CRAMP1: variants seen among roughly 807,000 people sequenced by gnomAD.
CRAMP1 encodes protein cramped-like.
CRAMP1 carries 50 observed loss-of-function variants against 115.4 expected under a neutral mutation model. That is an observed-to-expected ratio of 0.43 (90% CI 0.35 to 0.55). The LOEUF is 0.55. CRAMP1 is among the 20% of genes least tolerant of loss of function. The probability of loss-of-function intolerance (pLI) is 0.01; values close to 1 mark genes in which losing one functional copy is unlikely to be tolerated. For synonymous variants in CRAMP1, 866 were observed against 745.4 expected (o/e 1.16, Z -2.64); for missense variants, 1,679 against 1,721.7 (o/e 0.98, Z 0.44).
chr16:1,668,012 T>C lies in CRAMP1; in HGVS notation c.3153T>C (p.Asn1051=), dbSNP rs1456356568. The change falls in exon 18 of 21, where the codon AAT becomes AAC. Residue 1051 remains asparagine, a synonymous_variant. Transcript: ENST00000397412. ...AGCTGCCCAAGGCCCCTCTCCAGAA[T>C]GGCCTCTCCATACCGCTGTCCTCGT... ...LSELPKAPLQ[N]GLSIPLSSSE... 4 of 1,613,630 alleles carry C rather than the reference T, an allele frequency of 2.5e-6. No homozygotes were observed. In the Admixed American group the frequency reaches 5.0e-5, roughly 20 times the overall value.
chr16:1,628,820 A>G (rs2036526502), intron 3 of CRAMP1, among the ~76,000 whole-genome samples: 2 of 152,226 alleles, frequency 1.3e-5, no homozygotes, highest in Admixed American at 1.3e-4. Context: ...CACCGCCATC[A>G]CTGGGCCTCA....
rs1003164894 is a variant in CRAMP1 at position 1,625,792 on chromosome 16, C to G, written c.347-181C>G. On this transcript the variant is annotated intron_variant, in intron 2 of 20. Transcript: ENST00000397412. Reference sequence around the variant, plus strand: ...AGGGTCATTTGGCCAGGTAAAGATCCTGGCAGTCCTAAGCAGCCTCGCTGG... The same window carrying G: ...AGGGTCATTTGGCCAGGTAAAGATCGTGGCAGTCCTAAGCAGCCTCGCTGG... 125 of 558,970 alleles carry G rather than the reference C, an allele frequency of 2.2e-4. 1 individual carries two copies. Among genetic ancestry groups the G allele is most frequent in the Non-Finnish European group, 1.4e-4 (44 of 319,744 alleles). The allele number at this position is 558,970 out of a possible 1,614,324, so 34.6% of individuals were successfully genotyped here.
rs1388497607 is a variant in CRAMP1, at chr16:1,659,817, C to T, written c.2236-69C>T. The stretch of plus-strand genomic sequence containing the variant: ...CTCGATGATTTTCTTGTGCCTCCTA[C>T]TCCAGGGCACGCAAGAGCCATTTCT... On this transcript the variant is annotated intron_variant, in intron 10 of 20. Transcript: ENST00000397412. 28 of 1,441,666 alleles carry T rather than the reference C, an allele frequency of 1.9e-5. No homozygotes were observed. The East Asian group carries it at 5.7e-4, about 29-fold the overall frequency. The allele number at this position is 1,441,666 out of a possible 1,614,324, so 89.3% of individuals were successfully genotyped here.
At chr16:1,615,617 G>A (rs895353813) in intron 2 of CRAMP1, among the ~76,000 whole-genome samples, 9 of 152,224 alleles carry the variant, frequency 5.9e-5, no homozygotes, top group African/African-American at 2.2e-4. Flanking sequence ...GTTCGCCCTT[G>A]TATTCTGAGG....
At position 1,662,750 on chromosome 16, in the gene CRAMP1, C is replaced by T. The variant is rs1367052541; in HGVS notation, c.2596-11C>T. The T allele has an allele frequency of 1.9e-6, 3 of 1,613,872 alleles. No homozygotes were observed. The highest frequency in any genetic ancestry group is 1.7e-6 in the Non-Finnish European group (2 of 1,179,882). ...GTGCACCTTCAGGTGCCGGACGCTGCTCCCTTACAGATGCAGTCGGATTTC... is the reference window on the plus strand; with the variant it reads ...GTGCACCTTCAGGTGCCGGACGCTGTTCCCTTACAGATGCAGTCGGATTTC... On this transcript the variant is annotated splice_polypyrimidine_tract_variant and intron_variant, in intron 12 of 20. Transcript: ENST00000397412.
intron 13 of CRAMP1, among the ~76,000 whole-genome samples, chr16:1,663,698 A>G (rs1388910424): frequency 6.6e-6 from 1 of 152,210 alleles, no homozygotes; most frequent in Non-Finnish European, 1.5e-5. Flanking sequence ...TACCACCCAG[A>G]AAGGAAACCC....
intron 3 of CRAMP1, among the ~76,000 whole-genome samples, chr16:1,631,440 C>A (rs2036547754): frequency 6.6e-6 from 1 of 152,246 alleles, no homozygotes; most frequent in Non-Finnish European, 1.5e-5. Context: ...TGCTGCTCTG[C>A]AGTTGGCTGT....
chr16:1,618,642 T>A (rs1281531982), intron 2 of CRAMP1, among the ~76,000 whole-genome samples: 1 of 152,086 alleles, frequency 6.6e-6, no homozygotes, highest in Non-Finnish European at 1.5e-5. Context: ...TGTGTAGGAA[T>A]CGGTAAACGA....
chr16:1,665,350 G>A (rs570828407), intron 14 of CRAMP1, among the ~76,000 whole-genome samples: 1 of 152,356 alleles, frequency 6.6e-6, no homozygotes, highest in African/African-American at 2.4e-5. Flanking sequence ...AGTCCAAAGG[G>A]TGCCCTTCGT....
chr16:1,652,388 G>T, intron 6 of CRAMP1, 108 bp from the exon 7 acceptor site: 1 of 909,996 alleles, frequency 1.1e-6, no homozygotes. Context: ...TGGGGTGGAT[G>T]CTTGGCCAGG....
chr16:1,632,282 G>A lies in CRAMP1; in HGVS notation c.611G>A (p.Ser204Asn). ...LKYKKKGKPA[S>N]MVKNKEQVRH... ...TACAAGAAGAAAGGCAAGCCAGCAA[G>A]CATGGTGAAGAACAAGGAGCAGGTC... The change falls in exon 4 of 21, where the codon AGC becomes AAC. Residue 204 changes from serine (S) to asparagine (N), a missense_variant. Physicochemically the swap from Ser to Asn is conservative, Grantham distance 46. Coordinates refer to ENST00000397412, the MANE Select transcript of CRAMP1 (RefSeq NM_020825.4). The A allele has an allele frequency of 6.3e-7, 1 of 1,598,448 alleles. No homozygotes were observed. The highest frequency in any genetic ancestry group is 8.5e-7 in the Non-Finnish European group (1 of 1,173,124).
intron 5 of CRAMP1, among the ~76,000 whole-genome samples, chr16:1,638,976 C>T (rs1050848296): frequency 1.3e-5 from 2 of 152,092 alleles, no homozygotes; most frequent in African/African-American, 4.8e-5. Flanking sequence ...AGCCCGCACT[C>T]ATGTCCGTGG....
intron 2 of CRAMP1, among the ~76,000 whole-genome samples, chr16:1,617,316 A>T (rs1452142126): frequency 6.6e-6 from 1 of 152,110 alleles, no homozygotes; most frequent in East Asian, 1.9e-4. Flanking sequence ...GAGGCACTTC[A>T]CTGTGCCCAG....
chr16:1,657,345 G>T (rs980454064), intron 10 of CRAMP1, among the ~76,000 whole-genome samples: 2 of 152,242 alleles, frequency 1.3e-5, no homozygotes, highest in African/African-American at 4.8e-5. Context: ...CAACAGGCAG[G>T]CAGTACCTTG....
intron 18 of CRAMP1, 24 bp from the exon 19 acceptor site, chr16:1,668,977 C>T: frequency 6.2e-7 from 1 of 1,612,272 alleles, no homozygotes; most frequent in Non-Finnish European, 8.5e-7. Context: ...CAAGGCGTTT[C>T]TGATCTGGGA....
intron 2 of CRAMP1, among the ~76,000 whole-genome samples, chr16:1,619,132 G>T (rs2036445183): frequency 6.6e-6 from 1 of 152,218 alleles, no homozygotes; most frequent in Non-Finnish European, 1.5e-5. Context: ...ATAAAGTGGT[G>T]TGTAGAAGCT....
chr16:1,614,559 C>A lies in CRAMP1; in HGVS notation c.-1-80C>A. On this transcript the variant is annotated intron_variant, in intron 1 of 20. Coordinates refer to ENST00000397412, the MANE Select transcript of CRAMP1 (RefSeq NM_020825.4). This position sits in a 1 kb window ranked among gnomAD's most constrained non-coding sequence, Gnocchi z 4.4. Reference sequence around the variant, plus strand: ...GGGATTTGGAACAAACAACGGCGGCCATGTTGAGAGCGCGTCGGGGCCGCT... The same window carrying A: ...GGGATTTGGAACAAACAACGGCGGCAATGTTGAGAGCGCGTCGGGGCCGCT... 1.2e-6 allele frequency: 1 copy of A among 850,518 alleles called. No individual in the cohort carries two copies. Among genetic ancestry groups the A allele is most frequent in the Non-Finnish European group, 1.5e-6 (1 of 649,314 alleles). 52.7% of individuals were successfully genotyped at this position (850,518 alleles called of 1,614,324 possible). A position where few individuals can be genotyped will look rare whatever the true frequency, so the allele number is the denominator to read the frequency against.
At chr16:1,673,697 C>T (rs2036942226) in intron 20 of CRAMP1, among the ~76,000 whole-genome samples, 184 bp from the exon 21 acceptor site, 1 of 152,228 alleles carries the variant, frequency 6.6e-6, no homozygotes, top group Non-Finnish European at 1.5e-5. Context: ...GAGCACTTAT[C>T]TAAAGAGTGT....
intron 3 of CRAMP1, among the ~76,000 whole-genome samples, chr16:1,629,521 G>A (rs985659148): frequency 2.0e-5 from 3 of 152,186 alleles, no homozygotes; most frequent in African/African-American, 2.4e-5. Context: ...GGAGACACAC[G>A]GCAGGCGCGA....
Sources: gnomAD v4.1 joint callset for allele counts (sites outside exome capture counted in the v4.1 genomes callset) on GRCh38, gnomAD v4.1.1 for gene constraint, Gnocchi (gnomAD v3.1) non-coding constraint, MANE v1.5 for transcripts, NCBI Gene and HGNC (gene_info 2026-07-23, HGNC 2026-07-21) for gene names.